PHF24: variants seen among roughly 807,000 people sequenced by gnomAD.
PHF24 encodes the protein PHD finger protein 24, also known as Galpha inhibitory interacting protein.
A neutral mutation model predicts 42.6 loss-of-function variants in PHF24; 25 were observed. That is an observed-to-expected ratio of 0.59 (90% CI 0.43 to 0.82). PHF24 has a LOEUF of 0.82. PHF24 is among the 40% of genes least tolerant of loss of function. The pLI is 0.00. For synonymous variants in PHF24, 185 were observed against 204.8 expected (o/e 0.90, Z 0.83); for missense variants, 470 against 538.1 (o/e 0.87, Z 1.25).
the PHF24 span, among the ~76,000 whole-genome samples, chr9:34,752,979 C>T: frequency 3.9e-5 from 6 of 152,112 alleles, no homozygotes; most frequent in Admixed American, 2.0e-4. Flanking sequence ...TAAAATTTAA[C>T]ATCCCTTCAT....
the PHF24 span, among the ~76,000 whole-genome samples, chr9:34,818,622 C>T: frequency 1.3e-5 from 2 of 152,152 alleles, no homozygotes; most frequent in African/African-American, 4.8e-5. Flanking sequence ...ACGAAGGGTA[C>T]TTGCTATATT....
At chr9:34,689,610 A>G in the PHF24 span, 9 of 584,534 alleles carry the variant, frequency 1.5e-5, no homozygotes, top group Admixed American at 9.4e-5. The surrounding 1 kb of genome is among the most constrained non-coding windows in gnomAD (Gnocchi z 4.1). Flanking sequence ...TAGCATTGCA[A>G]TCTGGGGGTG....
chr9:34,770,704 C>T, the PHF24 span, among the ~76,000 whole-genome samples: 4 of 151,772 alleles, frequency 2.6e-5, no homozygotes, highest in Non-Finnish European at 4.4e-5. Flanking sequence ...AACGGGATGG[C>T]GGTATGGGTT....
At chr9:34,868,939 G>A in the PHF24 span, among the ~76,000 whole-genome samples, 116 of 152,260 alleles carry the variant, frequency 7.6e-4, no homozygotes, top group African/African-American at 2.7e-3. Context: ...CCCAGTGTGT[G>A]TTGTTCCCCA....
chr9:34,829,560 CA>C, the PHF24 span, among the ~76,000 whole-genome samples: 1 of 152,088 alleles, frequency 6.6e-6, no homozygotes, highest in African/African-American at 2.4e-5. Context: ...TTCTCCTGAC[CA>C]GCTAATTACT....
chr9:34,809,633 A>C, the PHF24 span, among the ~76,000 whole-genome samples: 1 of 152,220 alleles, frequency 6.6e-6, no homozygotes, highest in Non-Finnish European at 1.5e-5. This position sits in a 1 kb window ranked among gnomAD's most constrained non-coding sequence, Gnocchi z 4.1. Flanking sequence ...TAGGGTGGGC[A>C]GCTTGGCGAG....
At chr9:34,832,989 G>A in the PHF24 span, 2 of 1,551,586 alleles carry the variant, frequency 1.3e-6, no homozygotes, top group Non-Finnish European at 1.7e-6. Flanking sequence ...GGATCAGCAA[G>A]ATGAAAGCTA....
At chr9:34,723,324 G>T in the PHF24 span, 7 of 1,551,724 alleles carry the variant, frequency 4.5e-6, no homozygotes, top group East Asian at 7.3e-5. Context: ...GCAGAGCCAG[G>T]TTGTCTGGAG....
At chr9:34,879,112 C>A in the PHF24 span, among the ~76,000 whole-genome samples, 1 of 152,190 alleles carries the variant, frequency 6.6e-6, no homozygotes, top group African/African-American at 2.4e-5. Context: ...GAGTGGACCT[C>A]CAGCAAACTC....
the PHF24 span, among the ~76,000 whole-genome samples, chr9:34,902,229 T>G: frequency 2.0e-5 from 3 of 152,196 alleles, no homozygotes; most frequent in African/African-American, 7.2e-5. Context: ...AAAAATGAAT[T>G]TATATTCTTA....
At chr9:34,842,318 G>A in the PHF24 span, among the ~76,000 whole-genome samples, 1 of 152,140 alleles carries the variant, frequency 6.6e-6, no homozygotes, top group South Asian at 2.1e-4. Flanking sequence ...TCTTTATAAG[G>A]ACATGTATTC....
chr9:34,881,283 C>A, the PHF24 span, among the ~76,000 whole-genome samples: 1 of 152,180 alleles, frequency 6.6e-6, no homozygotes. Context: ...GACACCCTAA[C>A]ATCACAATTA....
chr9:34,781,416 A>G, the PHF24 span, among the ~76,000 whole-genome samples: 3 of 152,354 alleles, frequency 2.0e-5, no homozygotes, highest in South Asian at 2.1e-4. Flanking sequence ...AGAGACAGAA[A>G]GTAGAATAGA....
At chr9:34,790,568 C>T in the PHF24 span, among the ~76,000 whole-genome samples, 1 of 152,232 alleles carries the variant, frequency 6.6e-6, no homozygotes, top group Non-Finnish European at 1.5e-5. Context: ...TATTTACTTT[C>T]TACCAGAGGC....
At chr9:34,761,199 C>A in the PHF24 span, among the ~76,000 whole-genome samples, 1 of 152,048 alleles carries the variant, frequency 6.6e-6, no homozygotes, top group Non-Finnish European at 1.5e-5. Flanking sequence ...TGGTCTCTCT[C>A]CTCTCTCAAC....
the PHF24 span, among the ~76,000 whole-genome samples, chr9:34,685,942 A>T: frequency 1.3e-5 from 2 of 152,308 alleles, no homozygotes; most frequent in Admixed American, 1.3e-4. Context: ...CCAGACAGGA[A>T]CGCCAGCTCT....
the PHF24 span, among the ~76,000 whole-genome samples, chr9:34,813,365 A>G: frequency 1.3e-5 from 2 of 152,182 alleles, no homozygotes; most frequent in Non-Finnish European, 2.9e-5. Flanking sequence ...ATTATTATGT[A>G]ACAAATGACC....
chr9:34,956,692 C>G (rs1438309566), upstream of PHF24, among the ~76,000 whole-genome samples: 1 of 152,232 alleles, frequency 6.6e-6, no homozygotes, highest in Non-Finnish European at 1.5e-5. Flanking sequence ...AGAAGTCTAT[C>G]TGTGAAACTG....
the PHF24 span, among the ~76,000 whole-genome samples, chr9:34,716,956 A>G: frequency 2.0e-5 from 3 of 152,142 alleles, no homozygotes; most frequent in Non-Finnish European, 2.9e-5. Flanking sequence ...ACGCTTCTGC[A>G]TAACGTGTGG....
Sources: allele counts gnomAD v4.1 joint callset (sites outside exome capture counted in the v4.1 genomes callset), GRCh38; gene constraint gnomAD v4.1.1; non-coding constraint Gnocchi (gnomAD v3.1); transcripts MANE v1.5; gene names NCBI Gene and HGNC (gene_info 2026-07-23, HGNC 2026-07-21).